The following SCHIP1 variants were observed in gnomAD, a reference collection of about 807,000 sequenced individuals.
SCHIP1 encodes the protein schwannomin-interacting protein 1.
In SCHIP1, 8 loss-of-function variants were observed where a neutral mutation model predicts 29.7. The observed-to-expected ratio is 0.27, with a 90% CI of 0.16 to 0.49. The LOEUF is 0.49. Ranked by LOEUF, SCHIP1 falls within the 20% of genes least tolerant of loss-of-function variation. SCHIP1 has a pLI of 0.99. For missense variants in SCHIP1, 193 were observed against 294.6 expected, an observed-to-expected ratio of 0.66 and a Z score of 2.52; for synonymous variants, 76 against 94.9, an observed-to-expected ratio of 0.80 and a Z score of 1.16.
At chr3:159,625,658 A>G in the SCHIP1 span, among the ~76,000 whole-genome samples, 2 of 152,094 alleles carry the variant, frequency 1.3e-5, no homozygotes, top group African/African-American at 4.8e-5. Context: ...AAAGGCTACA[A>G]ATGGGCTCTT....
the SCHIP1 span, among the ~76,000 whole-genome samples, chr3:159,831,711 G>A: frequency 2.6e-5 from 4 of 152,116 alleles, no homozygotes; most frequent in African/African-American, 4.8e-5. Flanking sequence ...TCCACAGTGT[G>A]GATATGCTGG....
chr3:159,563,565 A>G, the SCHIP1 span, among the ~76,000 whole-genome samples: 3 of 152,170 alleles, frequency 2.0e-5, no homozygotes, highest in Non-Finnish European at 1.5e-5. Flanking sequence ...GTGGTGGCCC[A>G]TGCCTGTAAT....
upstream of SCHIP1, among the ~76,000 whole-genome samples, chr3:159,839,526 A>G (rs1197892393): frequency 6.6e-6 from 1 of 152,050 alleles, no homozygotes; most frequent in Non-Finnish European, 1.5e-5. Flanking sequence ...AAACACTTCA[A>G]AAACTCAACA....
intron 1 of SCHIP1, among the ~76,000 whole-genome samples, chr3:159,851,256 C>T (rs886768868): frequency 1.3e-5 from 2 of 152,090 alleles, no homozygotes; most frequent in African/African-American, 4.8e-5. Context: ...TGCCATTGCA[C>T]TCCAGCCTGG....
chr3:159,360,750 T>C, the SCHIP1 span, among the ~76,000 whole-genome samples: 1 of 152,304 alleles, frequency 6.6e-6, no homozygotes, highest in Non-Finnish European at 1.5e-5. Context: ...TAGGCCTTTC[T>C]TAAGGGCATC....
At chr3:159,457,534 G>A in the SCHIP1 span, among the ~76,000 whole-genome samples, 3 of 152,028 alleles carry the variant, frequency 2.0e-5, no homozygotes, top group Admixed American at 2.0e-4. Flanking sequence ...AGGGAAGGGA[G>A]GAAGCTATAA....
chr3:159,473,615 A>T, the SCHIP1 span, among the ~76,000 whole-genome samples: 1 of 149,766 alleles, frequency 6.7e-6, no homozygotes, highest in Admixed American at 6.7e-5. Flanking sequence ...ATTTTTATTG[A>T]ATTTGGGCAA....
At chr3:159,875,018 T>TA (rs532553787) in intron 2 of SCHIP1, among the ~76,000 whole-genome samples, 17,815 of 120,498 alleles carry the variant, frequency 0.15, 1,500 homozygotes, top group Non-Finnish European at 0.18. Context: ...CTGGGTAGTC[T>TA]AAAAAAAAAA....
the SCHIP1 span, among the ~76,000 whole-genome samples, chr3:159,777,745 G>A: frequency 6.6e-6 from 1 of 152,284 alleles, no homozygotes; most frequent in African/African-American, 2.4e-5. Context: ...GTGGTGGTGA[G>A]TCTTTATAAA....
At chr3:159,764,886 T>A in the SCHIP1 span, 1 of 1,572,052 alleles carries the variant, frequency 6.4e-7, no homozygotes, top group African/African-American at 1.4e-5. This position sits in a 1 kb window ranked among gnomAD's most constrained non-coding sequence, Gnocchi z 6.1. Context: ...TGGTGGTGGC[T>A]GGCCGGCCGA....
chr3:159,651,985 A>G, the SCHIP1 span, among the ~76,000 whole-genome samples: 1 of 152,018 alleles, frequency 6.6e-6, no homozygotes, highest in Admixed American at 6.6e-5. Flanking sequence ...AGTCCCTGCT[A>G]TTGGGGAGGC....
the SCHIP1 span, among the ~76,000 whole-genome samples, chr3:159,406,791 G>T: frequency 6.6e-6 from 1 of 152,158 alleles, no homozygotes; most frequent in Admixed American, 6.6e-5. Flanking sequence ...CACTTTGCTT[G>T]CTTGTTTGTT....
the SCHIP1 span, among the ~76,000 whole-genome samples, chr3:159,592,249 A>C: frequency 2.0e-5 from 3 of 152,090 alleles, no homozygotes; most frequent in African/African-American, 4.8e-5. Context: ...GAAAATCTGT[A>C]ATCTCCAAGG....
the SCHIP1 span, among the ~76,000 whole-genome samples, chr3:159,342,270 C>T: frequency 4.6e-5 from 7 of 152,050 alleles, no homozygotes; most frequent in South Asian, 2.1e-4. Flanking sequence ...GAAGCTAACA[C>T]GTTAATTTTG....
the SCHIP1 span, among the ~76,000 whole-genome samples, chr3:159,448,918 T>C: frequency 6.6e-6 from 1 of 152,222 alleles, no homozygotes; most frequent in Non-Finnish European, 1.5e-5. Flanking sequence ...TGACTTTTTA[T>C]ATAACACTGT....
the SCHIP1 span, among the ~76,000 whole-genome samples, chr3:159,294,354 T>C: frequency 6.6e-6 from 1 of 152,204 alleles, no homozygotes. Flanking sequence ...TCAAGTTGAT[T>C]TGGGGTTCTC....
the SCHIP1 span, among the ~76,000 whole-genome samples, chr3:159,735,296 C>A: frequency 6.9e-6 from 1 of 145,476 alleles, no homozygotes; most frequent in South Asian, 2.1e-4. Context: ...GTGGTGTTAT[C>A]TCAGCTCACT....
the SCHIP1 span, among the ~76,000 whole-genome samples, chr3:159,670,334 T>C: frequency 2.0e-5 from 3 of 152,222 alleles, no homozygotes; most frequent in African/African-American, 7.2e-5. Context: ...CTAGTTGTTT[T>C]CAATTAGTTA....
the SCHIP1 span, among the ~76,000 whole-genome samples, chr3:159,645,846 G>A: frequency 6.6e-6 from 1 of 152,166 alleles, no homozygotes; most frequent in South Asian, 2.1e-4. Flanking sequence ...GGGTGACTGG[G>A]TGAGTGGAGT....
Sources: gnomAD v4.1 joint callset for allele counts (sites outside exome capture counted in the v4.1 genomes callset) on GRCh38, gnomAD v4.1.1 for gene constraint, Gnocchi (gnomAD v3.1) non-coding constraint, MANE v1.5 for transcripts, NCBI Gene and HGNC (gene_info 2026-07-23, HGNC 2026-07-21) for gene names.